Variants in RBFOX1 observed in about 807,000 individuals in gnomAD.
RBFOX1 encodes the protein RNA binding protein fox-1 homolog 1.
RBFOX1 carries 8 observed loss-of-function variants against 57.7 expected under a neutral mutation model. That is an observed-to-expected ratio of 0.14 (90% CI 0.08 to 0.25). The LOEUF is 0.25. Among genes scored for constraint, RBFOX1 ranks in the 10% least tolerant of loss-of-function variants. The pLI, the probability that RBFOX1 is intolerant of heterozygous loss-of-function variation, is 1.00. For synonymous variants in RBFOX1, 326 were observed against 222.4 expected (o/e 1.47, Z -4.15); for missense variants, 611 against 548.5 (o/e 1.11, Z -1.14).
chr16:5,681,547 C>G (rs1467615151), intron 3 of RBFOX1, among the ~76,000 whole-genome samples: 1 of 151,580 alleles, frequency 6.6e-6, no homozygotes, highest in Admixed American at 6.6e-5. Context: ...TGCAACCATG[C>G]CCAGCTAATT....
At chr16:6,703,667 A>T (rs2062209220) in intron 3 of RBFOX1, among the ~76,000 whole-genome samples, 1 of 152,128 alleles carries the variant, frequency 6.6e-6, no homozygotes, top group African/African-American at 2.4e-5. Flanking sequence ...TAGCTGAGCC[A>T]CTGCACTCCA....
intron 4 of RBFOX1, among the ~76,000 whole-genome samples, chr16:7,301,827 G>C (rs1256713025): frequency 6.6e-6 from 1 of 152,190 alleles, no homozygotes; most frequent in African/African-American, 2.4e-5. Context: ...GAAAGGGAGA[G>C]TGAGGATTGG....
intron 3 of RBFOX1, among the ~76,000 whole-genome samples, chr16:6,731,988 A>G (rs907984605): frequency 2.6e-5 from 4 of 152,200 alleles, no homozygotes; most frequent in Admixed American, 2.6e-4. Flanking sequence ...TTGAATCAAA[A>G]GGGAAGATTT....
rs577535792 is a variant in RBFOX1, at chr16:6,555,099, T to G, written c.-63-99504T>G. Among the ~76,000 whole-genome samples the G allele has an allele frequency of 3.9e-5, 6 of 152,226 alleles. No individual in the cohort carries two copies. In the South Asian group the frequency reaches 1.2e-3, roughly 32 times the overall value. ...CACATGGAAACACAGGGAAGGAGGA[T>G]AAGGGGGTGCCTCCATTCTTATGTC... On this transcript the variant is annotated intron_variant, in intron 2 of 15. Transcript: ENST00000550418.
At chr16:7,628,363 T>C (rs1245119960) in intron 10 of RBFOX1, among the ~76,000 whole-genome samples, 1 of 152,188 alleles carries the variant, frequency 6.6e-6, no homozygotes, top group Non-Finnish European at 1.5e-5. Context: ...CTAAGATTTC[T>C]AGCAGTGAGC....
chr16:6,747,029 C>T (rs1286142295), intron 3 of RBFOX1, among the ~76,000 whole-genome samples: 1 of 152,104 alleles, frequency 6.6e-6, no homozygotes, highest in Non-Finnish European at 1.5e-5. Flanking sequence ...AGGTGTTAGC[C>T]TACAGAAGTC....
At chr16:6,062,923 CTG>C (rs1296039608) in intron 1 of RBFOX1, among the ~76,000 whole-genome samples, 1 of 152,102 alleles carries the variant, frequency 6.6e-6, no homozygotes, top group African/African-American at 2.4e-5. Context: ...GGCAGAATTT[CTG>C]TGTTACAGTC....
intron 3 of RBFOX1, among the ~76,000 whole-genome samples, chr16:6,917,370 A>G (rs776705592): frequency 6.6e-6 from 1 of 152,198 alleles, no homozygotes; most frequent in Non-Finnish European, 1.5e-5. Context: ...ACATGAAATG[A>G]AGAGTTTCTG....
At chr16:6,909,195 T>G (rs148411280) in intron 3 of RBFOX1, among the ~76,000 whole-genome samples, 21 of 152,288 alleles carry the variant, frequency 1.4e-4, no homozygotes, top group African/African-American at 4.8e-4. Context: ...AGAATGTAGT[T>G]TCCTCCCTTT....
chr16:6,339,897 T>C (rs2084293048), intron 2 of RBFOX1, among the ~76,000 whole-genome samples: 2 of 152,196 alleles, frequency 1.3e-5, no homozygotes, highest in Admixed American at 1.3e-4. Flanking sequence ...CAGGCTGGTC[T>C]TGAACTCCAG....
intron 2 of RBFOX1, among the ~76,000 whole-genome samples, chr16:6,590,994 A>G (rs1188944934): frequency 6.6e-6 from 1 of 152,190 alleles, no homozygotes; most frequent in East Asian, 1.9e-4. Context: ...GGGAAGGTAC[A>G]TAACCTCTCT....
chr16:5,884,435 TTCCACC>T (rs2057843933), intron 4 of RBFOX1, among the ~76,000 whole-genome samples: 1 of 151,576 alleles, frequency 6.6e-6, no homozygotes, highest in African/African-American at 2.4e-5. Context: ...AATCCATCTG[TTCCACC>T]GCCCCGCCCC....
intron 3 of RBFOX1, among the ~76,000 whole-genome samples, chr16:7,020,799 C>T (rs964649534): frequency 6.6e-6 from 1 of 152,122 alleles, no homozygotes; most frequent in Non-Finnish European, 1.5e-5. Context: ...TTCCCAGTAT[C>T]CACCACCCTG....
chr16:5,323,933 C>T (rs2064486130), intron 1 of RBFOX1, among the ~76,000 whole-genome samples: 2 of 152,176 alleles, frequency 1.3e-5, no homozygotes, highest in African/African-American at 2.4e-5. Flanking sequence ...GTAATTCTGA[C>T]AGAGACGATG....
intron 3 of RBFOX1, among the ~76,000 whole-genome samples, chr16:5,849,839 T>C (rs1356232764): frequency 2.0e-5 from 3 of 152,182 alleles, no homozygotes; most frequent in Non-Finnish European, 2.9e-5. Context: ...AGAAGTATTC[T>C]TTTCCCAAGA....
intron 1 of RBFOX1, among the ~76,000 whole-genome samples, chr16:5,351,064 C>T (rs890561496): frequency 6.6e-6 from 1 of 152,110 alleles, no homozygotes; most frequent in East Asian, 1.9e-4. Context: ...CCAGGTATTG[C>T]GCTGGTGGAA....
chr16:7,352,675 C>G (rs922699526), intron 4 of RBFOX1, among the ~76,000 whole-genome samples: 1 of 152,022 alleles, frequency 6.6e-6, no homozygotes, highest in Admixed American at 6.5e-5. Flanking sequence ...GCACTCTTGT[C>G]CTGGATCTGC....
intron 3 of RBFOX1, among the ~76,000 whole-genome samples, chr16:6,744,519 T>C (rs1352650741): frequency 1.3e-5 from 2 of 151,972 alleles, no homozygotes; most frequent in Non-Finnish European, 2.9e-5. Context: ...GGAATCAAAC[T>C]AGAAATAAAT....
intron 4 of RBFOX1, among the ~76,000 whole-genome samples, chr16:7,414,214 G>A (rs1315088066): frequency 2.0e-5 from 3 of 152,224 alleles, no homozygotes; most frequent in African/African-American, 7.2e-5. Context: ...GATTGCAGGT[G>A]GTAGGGATAC....
Sources: allele counts gnomAD v4.1 joint callset (sites outside exome capture counted in the v4.1 genomes callset), GRCh38; gene constraint gnomAD v4.1.1; transcripts MANE v1.5; gene names NCBI Gene and HGNC (gene_info 2026-07-23, HGNC 2026-07-21).